XIRP2: variants seen among roughly 807,000 people sequenced by gnomAD.
The protein encoded by XIRP2 is xin actin-binding repeat-containing protein 2.
In XIRP2, 236 loss-of-function variants were observed where a neutral mutation model predicts 277.0. The ratio of observed to expected loss-of-function variants is 0.85; its 90% CI spans 0.77 to 0.95. The LOEUF is 0.95. Ranked by LOEUF, XIRP2 falls within the 40% of genes least tolerant of loss-of-function variation. The pLI, the probability that XIRP2 is intolerant of heterozygous loss-of-function variation, is 0.00. For synonymous variants in XIRP2, 1,490 were observed against 1,416.5 expected, an observed-to-expected ratio of 1.05 and a Z score of -1.17; for missense variants, 4,640 against 4,157.5, an observed-to-expected ratio of 1.12 and a Z score of -3.19.
At chr2:167,092,520 A>C (rs1458894474) in intron 2 of XIRP2, among the ~76,000 whole-genome samples, 1 of 152,124 alleles carries the variant, frequency 6.6e-6, no homozygotes, top group Non-Finnish European at 1.5e-5. Flanking sequence ...TCTGGGTGGC[A>C]CTATAGTTAA....
intron 2 of XIRP2, among the ~76,000 whole-genome samples, chr2:167,068,015 T>TC (rs1235957016): frequency 6.6e-6 from 1 of 152,128 alleles, no homozygotes; most frequent in East Asian, 1.9e-4. Flanking sequence ...CACAAGGAAC[T>TC]CCCCCTGAAA....
At chr2:167,112,249 A>G (rs1463407538) in intron 2 of XIRP2, among the ~76,000 whole-genome samples, 1 of 151,620 alleles carries the variant, frequency 6.6e-6, no homozygotes, top group African/African-American at 2.4e-5. Context: ...TCTTCTTGTA[A>G]TGTTTGGTTA....
At chr2:167,148,655 G>A (rs951803461) in intron 3 of XIRP2, among the ~76,000 whole-genome samples, 2 of 152,054 alleles carry the variant, frequency 1.3e-5, no homozygotes, top group African/African-American at 4.8e-5. Flanking sequence ...AGATTGTCAG[G>A]TTGGAATTTT....
intron 2 of XIRP2, among the ~76,000 whole-genome samples, chr2:166,942,441 G>T (rs1039543317): frequency 6.6e-6 from 1 of 152,128 alleles, no homozygotes; most frequent in Non-Finnish European, 1.5e-5. Context: ...TTTGTTCCAT[G>T]TCATATATAG....
At chr2:167,213,188 G>T (rs1157996320) in intron 4 of XIRP2, among the ~76,000 whole-genome samples, 2 of 152,136 alleles carry the variant, frequency 1.3e-5, no homozygotes, top group African/African-American at 2.4e-5. Flanking sequence ...AGAGGGAGAA[G>T]TAACACTTGT....
intron 2 of XIRP2, among the ~76,000 whole-genome samples, chr2:166,951,784 A>C (rs1448438483): frequency 1.3e-5 from 2 of 151,970 alleles, no homozygotes; most frequent in Admixed American, 1.3e-4. Context: ...ATCTTTACCC[A>C]TGAATTCTAA....
intron 2 of XIRP2, among the ~76,000 whole-genome samples, chr2:167,052,968 T>C (rs1480125731): frequency 6.6e-6 from 1 of 152,214 alleles, no homozygotes; most frequent in Non-Finnish European, 1.5e-5. Flanking sequence ...TGGTAATGCC[T>C]TGGCCTATGT....
chr2:166,912,201 G>A (rs1684728208), intron 2 of XIRP2, among the ~76,000 whole-genome samples: 2 of 152,158 alleles, frequency 1.3e-5, no homozygotes, highest in African/African-American at 4.8e-5. Context: ...CCTGCAGAGT[G>A]TTTTCCAACT....
intron 2 of XIRP2, among the ~76,000 whole-genome samples, chr2:167,118,482 GATAAAATAAAATAAAATAAA>G (rs11270871): frequency 0.029 from 3,532 of 122,174 alleles, 51 homozygotes; most frequent in South Asian, 0.069. Context: ...ACTCTGTCTC[GATAAAATAAAATAAAATAAA>G]ATAAAATAAA....
chr2:167,139,742 A>G (rs1023167000), intron 3 of XIRP2, among the ~76,000 whole-genome samples: 1 of 152,206 alleles, frequency 6.6e-6, no homozygotes, highest in African/African-American at 2.4e-5. Flanking sequence ...AATGACGTCC[A>G]ATAGAAACTT....
intron 2 of XIRP2, among the ~76,000 whole-genome samples, chr2:166,983,426 A>C (rs1421615884): frequency 6.6e-6 from 1 of 152,178 alleles, no homozygotes; most frequent in Non-Finnish European, 1.5e-5. Context: ...TGGCCTTTTA[A>C]ATCCAACATC....
At chr2:167,013,771 T>C (rs189016664) in intron 2 of XIRP2, among the ~76,000 whole-genome samples, 1 of 151,624 alleles carries the variant, frequency 6.6e-6, no homozygotes, top group Non-Finnish European at 1.5e-5. Context: ...GATATAAGGA[T>C]ATCTTAAATA....
At chr2:166,969,358 A>G (rs1686513837) in intron 2 of XIRP2, among the ~76,000 whole-genome samples, 1 of 152,018 alleles carries the variant, frequency 6.6e-6, no homozygotes, top group African/African-American at 2.4e-5. Context: ...CGTCTAGTCA[A>G]TATTCACCAG....
chr2:166,963,845 A>T (rs1686360137), intron 2 of XIRP2, among the ~76,000 whole-genome samples: 1 of 151,824 alleles, frequency 6.6e-6, no homozygotes, highest in African/African-American at 2.4e-5. Context: ...AAAGCCATTG[A>T]GGGCTTTTAA....
chr2:167,005,746 A>G (rs1687486573), intron 2 of XIRP2, among the ~76,000 whole-genome samples: 1 of 151,538 alleles, frequency 6.6e-6, no homozygotes, highest in Non-Finnish European at 1.5e-5. Context: ...TCTGGAAAGT[A>G]CTGGCCAAGT....
chr2:166,972,242 G>A (rs1051826981), intron 2 of XIRP2, among the ~76,000 whole-genome samples: 2 of 152,028 alleles, frequency 1.3e-5, no homozygotes, highest in East Asian at 1.9e-4. Flanking sequence ...CCTTGATCTT[G>A]GATTTCTGCC....
intron 2 of XIRP2, among the ~76,000 whole-genome samples, chr2:167,059,278 TTTTTTTA>T (rs1250407089): frequency 6.6e-6 from 1 of 150,898 alleles, no homozygotes; most frequent in African/African-American, 2.4e-5. Flanking sequence ...TATTTTTTTA[TTTTTTTA>T]TTTTTTATTT....
chr2:166,906,426 T>A (rs1684526884), intron 2 of XIRP2, among the ~76,000 whole-genome samples: 1 of 152,048 alleles, frequency 6.6e-6, no homozygotes, highest in South Asian at 2.1e-4. Flanking sequence ...ACTATACATT[T>A]TAATGTATTT....
rs188014397 is a variant in XIRP2, at chr2:167,114,613, A to G, written c.409-21296A>G. ...CTCCCCCTTCCCCCCACCCCACAAC[A>G]GTCCCCAAAGTGTGATGTTCCCCTT... On this transcript the variant is annotated intron_variant, in intron 2 of 10. Transcript: ENST00000409195. 1.9e-3 allele frequency among the ~76,000 whole-genome samples: 270 copies of G among 145,186 alleles called. 8 individuals are homozygous for G. In the East Asian group the frequency reaches 0.049, roughly 26 times the overall value.
Sources: allele counts gnomAD v4.1 joint callset (sites outside exome capture counted in the v4.1 genomes callset), GRCh38; gene constraint gnomAD v4.1.1; transcripts MANE v1.5; gene names NCBI Gene and HGNC (gene_info 2026-07-23, HGNC 2026-07-21).